Variants in MAP2K5 observed in about 807,000 individuals in gnomAD.
MAP2K5 encodes the protein dual specificity mitogen-activated protein kinase kinase 5.
In MAP2K5, 49 loss-of-function variants were observed where a neutral mutation model predicts 83.1. The ratio of observed to expected loss-of-function variants is 0.59; its 90% CI spans 0.47 to 0.75. The LOEUF (loss-of-function observed/expected upper bound fraction) is 0.75, where lower values mean the gene tolerates loss of function less well. Ranked by LOEUF, MAP2K5 falls within the 30% of genes least tolerant of loss-of-function variation. The pLI, the probability that MAP2K5 is intolerant of heterozygous loss-of-function variation, is 0.00. For synonymous variants in MAP2K5, 202 were observed against 191.8 expected, an observed-to-expected ratio of 1.05 and a Z score of -0.44; for missense variants, 457 against 557.5, an observed-to-expected ratio of 0.82 and a Z score of 1.82.
chr15:67,791,771 C>CA (rs985539297), intron 21 of MAP2K5, among the ~76,000 whole-genome samples: 16 of 152,300 alleles, frequency 1.1e-4, no homozygotes, highest in Admixed American at 4.6e-4. Flanking sequence ...AACCACTACT[C>CA]AAATGCTGGT....
At chr15:67,772,358 G>C (rs2090158181) in intron 20 of MAP2K5, among the ~76,000 whole-genome samples, 1 of 152,068 alleles carries the variant, frequency 6.6e-6, no homozygotes, top group Admixed American at 6.6e-5. Context: ...GAAATAAATT[G>C]ATAATTGAGT....
At chr15:67,621,060 A>T (rs61414248) in intron 8 of MAP2K5, among the ~76,000 whole-genome samples, 125,780 of 151,574 alleles carry the variant, frequency 0.83, 53,107 homozygotes, top group Middle Eastern at 0.93. Flanking sequence ...TTGGGAGAAA[A>T]TTTAAAATAC....
chr15:67,572,780 A>G lies in MAP2K5; in HGVS notation c.253-7974A>G, dbSNP rs1429776054. ...AGTGGTTCGATCTTGGCTCACTGCA[A>G]ACTCACCTCTCGGGTTCAAGTGATT... is the stretch of plus-strand genomic sequence containing the variant. On this transcript the variant is annotated intron_variant, in intron 3 of 21. Transcript: ENST00000178640. The surrounding 1 kb of genome is among the most constrained non-coding windows in gnomAD (Gnocchi z 4.2). 2.0e-5 allele frequency among the ~76,000 whole-genome samples: 3 copies of G among 151,874 alleles called. No homozygotes were observed. The highest frequency in any genetic ancestry group is 4.8e-5 in the African/African-American group (2 of 41,334).
intron 13 of MAP2K5, among the ~76,000 whole-genome samples, chr15:67,687,757 A>G (rs967398407): frequency 9.9e-5 from 15 of 152,146 alleles, no homozygotes; most frequent in Admixed American, 9.8e-4. Flanking sequence ...CCTGTTTAGT[A>G]GAGACACCAT....
chr15:67,617,710 G>A (rs926693645), intron 8 of MAP2K5, among the ~76,000 whole-genome samples: 1 of 151,788 alleles, frequency 6.6e-6, no homozygotes, highest in Admixed American at 6.6e-5. Flanking sequence ...TTTATTTTTT[G>A]ATACAGGGCC....
chr15:67,796,699 G>GA (rs57041894), intron 21 of MAP2K5, among the ~76,000 whole-genome samples: 13,601 of 152,160 alleles, frequency 0.089, 732 homozygotes, highest in Admixed American at 0.1. Flanking sequence ...CATTGGTTTG[G>GA]AATCATATTC....
Position 67,609,811 on chromosome 15 carries a change from G to T in MAP2K5, c.545+9062G>T, listed in dbSNP as rs59539616. On this transcript the variant is annotated intron_variant, in intron 8 of 21. Transcript: ENST00000178640. ...GAGACCTAAAGACAGGATGGAATCA[G>T]TATGGGAAAATCTGGGAGAAGAACC... Among the ~76,000 whole-genome samples, 1,482 of 152,160 alleles carry T rather than the reference G, an allele frequency of 9.7e-3. 30 individuals carry two copies. The highest frequency in any genetic ancestry group is 0.034 in the African/African-American group (1,420 of 41,514).
At chr15:67,556,927 T>C (rs2084640149) in intron 2 of MAP2K5, among the ~76,000 whole-genome samples, 1 of 152,226 alleles carries the variant, frequency 6.6e-6, no homozygotes, top group South Asian at 2.1e-4. Context: ...CAACTTTATT[T>C]TTCAAGCAGA....
At position 67,769,107 on chromosome 15, in the gene MAP2K5, T is replaced by A. The variant is rs187051167; in HGVS notation, c.1135-495T>A. Among the ~76,000 whole-genome samples, 5 of 149,100 alleles carry A rather than the reference T, an allele frequency of 3.4e-5. No individual in the cohort carries two copies. In the East Asian group the frequency reaches 5.9e-4, roughly 17 times the overall value. ...CCCTATAAAAGCCTTTCTATTAAAG[T>A]AAAAAAAAAAAATTGATCCAAATTA... On this transcript the variant is annotated intron_variant, in intron 19 of 21. Coordinates refer to ENST00000178640, the MANE Select transcript of MAP2K5 (RefSeq NM_145160.3). The surrounding 1 kb of genome is among the most constrained non-coding windows in gnomAD (Gnocchi z 5.2).
chr15:67,803,892 T>C (rs1465330366), intron 21 of MAP2K5, among the ~76,000 whole-genome samples: 1 of 152,328 alleles, frequency 6.6e-6, no homozygotes, highest in East Asian at 1.9e-4. Context: ...TGGGTTTGGG[T>C]TACAGACTTG....
At chr15:67,600,622 T>C in intron 7 of MAP2K5, 63 bp from the exon 8 acceptor site, 1 of 1,382,584 alleles carries the variant, frequency 7.2e-7, no homozygotes, top group Non-Finnish European at 1.0e-6. Context: ...CCAGAGTTGC[T>C]TTTCCTTGAC....
At chr15:67,806,364 C>A (rs928693388) in intron 21 of MAP2K5, among the ~76,000 whole-genome samples, 1 of 152,186 alleles carries the variant, frequency 6.6e-6, no homozygotes, top group Non-Finnish European at 1.5e-5. Context: ...AGGCCCTCGC[C>A]CTTAAGCACC....
Position 67,769,282 on chromosome 15 carries a change from G to C in MAP2K5, c.1135-320G>C, listed in dbSNP as rs1050583973. On this transcript the variant is annotated intron_variant, in intron 19 of 21. Transcript: ENST00000178640. This position sits in a 1 kb window ranked among gnomAD's most constrained non-coding sequence, Gnocchi z 5.2. ...CTCTTTGTTAATTACAAGACCATTTGTGTGTTACTTAAATAATCATTAATT... is the reference window on the plus strand; with the variant it reads ...CTCTTTGTTAATTACAAGACCATTTCTGTGTTACTTAAATAATCATTAATT... Among the ~76,000 whole-genome samples, 1 of 152,174 alleles carries C rather than the reference G, an allele frequency of 6.6e-6. No homozygotes were observed. Among genetic ancestry groups the C allele is most frequent in the East Asian group, 1.9e-4 (1 of 5,198 alleles).
Position 67,708,501 on chromosome 15 carries a change from T to C in MAP2K5, c.1044+5093T>C, listed in dbSNP as rs2088613340. 4.0e-5 allele frequency among the ~76,000 whole-genome samples: 6 copies of C among 151,546 alleles called. No homozygotes were observed. Among genetic ancestry groups the C allele is most frequent in the Admixed American group, 3.9e-4 (6 of 15,202 alleles). Reference sequence around the variant, plus strand: ...TTGAAGCCTGCCCCCTGCCTCCCACTTTTTTTTTCTAGAGACGTGGTCTTG... The same window carrying C: ...TTGAAGCCTGCCCCCTGCCTCCCACCTTTTTTTTCTAGAGACGTGGTCTTG... On this transcript the variant is annotated intron_variant, in intron 16 of 21. Transcript: ENST00000178640. This position sits in a 1 kb window ranked among gnomAD's most constrained non-coding sequence, Gnocchi z 4.9.
chr15:67,641,506 C>T (rs1052390167), intron 9 of MAP2K5: 51 of 1,000,082 alleles, frequency 5.1e-5, no homozygotes, highest in African/African-American at 1.0e-4. Context: ...GATGAATTGC[C>T]GTATTTATAC....
rs1051469796 is a variant in MAP2K5 at position 67,719,693 on chromosome 15, G to A, written c.1045-8223G>A. Among the ~76,000 whole-genome samples the A allele has an allele frequency of 2.6e-5, 4 of 152,172 alleles. No individual in the cohort carries two copies. The highest frequency in any genetic ancestry group is 7.2e-5 in the African/African-American group (3 of 41,436). ...GGAGGAACAATTTGAATCAAGTCCT[G>A]AAAGAATAGGTAGGCTGGAAATCTA... is the stretch of plus-strand genomic sequence containing the variant. On this transcript the variant is annotated intron_variant, in intron 16 of 21. Transcript: ENST00000178640. The surrounding 1 kb of genome is among the most constrained non-coding windows in gnomAD (Gnocchi z 4.6).
intron 8 of MAP2K5, among the ~76,000 whole-genome samples, chr15:67,627,096 G>A (rs1194183719): frequency 3.3e-5 from 5 of 151,904 alleles, no homozygotes; most frequent in Non-Finnish European, 5.9e-5. Flanking sequence ...CTACAGGCAC[G>A]CACCACGATG....
At chr15:67,689,722 G>A (rs1356308843) in intron 13 of MAP2K5, among the ~76,000 whole-genome samples, 1 of 152,222 alleles carries the variant, frequency 6.6e-6, no homozygotes, top group East Asian at 1.9e-4. Flanking sequence ...TAGTTTAGCA[G>A]TTTTGTTGTT....
intron 17 of MAP2K5, among the ~76,000 whole-genome samples, chr15:67,731,991 C>T (rs911008387): frequency 1.3e-5 from 2 of 152,138 alleles, no homozygotes; most frequent in Admixed American, 6.5e-5. Flanking sequence ...AGCAGAGTAA[C>T]GGGAGATCCA....
Sources: gnomAD v4.1 joint callset for allele counts (sites outside exome capture counted in the v4.1 genomes callset) on GRCh38, gnomAD v4.1.1 for gene constraint, Gnocchi (gnomAD v3.1) non-coding constraint, MANE v1.5 for transcripts, NCBI Gene and HGNC (gene_info 2026-07-23, HGNC 2026-07-21) for gene names.